ACVR1B: variants seen among roughly 807,000 people sequenced by gnomAD.
ACVR1B encodes activin receptor type-1B.
In ACVR1B, 15 loss-of-function variants were observed where a neutral mutation model predicts 55.6. The observed-to-expected ratio is 0.27, with a 90% confidence interval of 0.18 to 0.42. ACVR1B has a LOEUF of 0.42. Ranked by LOEUF, ACVR1B falls within the 10% of genes least tolerant of loss-of-function variation. ACVR1B has a pLI of 1.00. For synonymous variants in ACVR1B, 247 were observed against 254.6 expected, an observed-to-expected ratio of 0.97 and a Z score of 0.28; for missense variants, 359 against 670.1, an observed-to-expected ratio of 0.54 and a Z score of 5.13.
At chr12:51,957,974 A>G (rs565549459) in intron 1 of ACVR1B, among the ~76,000 whole-genome samples, 1 of 152,366 alleles carries the variant, frequency 6.6e-6, no homozygotes, top group South Asian at 2.1e-4. Flanking sequence ...ACAGTATGCC[A>G]GCTGAAACAA....
Position 51,975,462 on chromosome 12 carries a change from TACACTGACTACTGCA to T in ACVR1B, c.293_307del (p.Thr98_Asn102del). On this transcript the variant is annotated inframe_deletion, in exon 2 of 9. Coordinates refer to ENST00000257963, the MANE Select transcript of ACVR1B (RefSeq NM_004302.5). Reference sequence around the variant, plus strand: ...GGACCTGCGCAACACCCACTGCTGCTACACTGACTACTGCAACAGGATCGACTTGAGGGTGCCCAG... The same window carrying T: ...GGACCTGCGCAACACCCACTGCTGCTACAGGATCGACTTGAGGGTGCCCAG... 6.2e-7 allele frequency: 1 copy of T among 1,614,230 alleles called. No homozygotes were observed. Among genetic ancestry groups the T allele is most frequent in the Non-Finnish European group, 8.5e-7 (1 of 1,180,038 alleles).
intron 1 of ACVR1B, among the ~76,000 whole-genome samples, chr12:51,956,455 G>C (rs1319289594): frequency 6.6e-6 from 1 of 152,172 alleles, no homozygotes; most frequent in Non-Finnish European, 1.5e-5. Context: ...AATTGCAATG[G>C]CTTAGACTGA....
Position 51,951,726 on chromosome 12 carries a change from GC to G in ACVR1B, c.-17del. On this transcript the variant is annotated 5_prime_UTR_variant, in exon 1 of 9. Coordinates refer to ENST00000257963, the MANE Select transcript of ACVR1B (RefSeq NM_004302.5). ...GCGCTGCTGGGCTGCGGCGGCGGCG[GC>G]GGCGGCGGTGGTTACTATGGCGGAG... 13 of 1,216,288 alleles carry G rather than the reference GC, an allele frequency of 1.1e-5. No individual in the cohort carries two copies. The highest frequency in any genetic ancestry group is 1.2e-5 in the Non-Finnish European group (12 of 966,740). The allele number at this position is 1,216,288 out of a possible 1,614,324, so 75.3% of individuals were successfully genotyped here.
Position 51,991,974 on chromosome 12 carries a change from A to G in ACVR1B, c.1373A>G (p.Asn458Ser). The G allele has an allele frequency of 6.2e-7, 1 of 1,614,164 alleles. No homozygotes were observed. Among genetic ancestry groups the G allele is most frequent in the East Asian group, 2.2e-5 (1 of 44,880 alleles). The part of the protein sequence containing the change: ...CDQKLRPNIP[N>S]WWQSYEALRV... ...CAGAAGCTGCGTCCCAACATCCCCA[A>G]CTGGTGGCAGAGTTATGAGGTAAGA... The change falls in exon 8 of 9, where the codon AAC becomes AGC. Residue 458 changes from asparagine (N) to serine (S), a missense_variant. Asn to Ser is a conservative substitution (Grantham distance 46, BLOSUM62 1). This residue lies in a region of ACVR1B where 53 missense variants were observed against 78.5 expected (regional missense o/e 0.68). Transcript: ENST00000257963.
In ACVR1B at chr12:51,976,367, G is replaced by A. The variant is rs570500481; in HGVS notation, c.372G>A (p.Pro124=). 34 of 1,614,030 alleles carry A rather than the reference G, an allele frequency of 2.1e-5. No individual in the cohort carries two copies. Among genetic ancestry groups the A allele is most frequent in the South Asian group, 1.8e-4 (16 of 91,082 alleles). Reference sequence around the variant, plus strand: ...CTGAGCACCCGTCCATGTGGGGCCCGGTGGAGCTGGTAGGCATCATCGCCG... The same window carrying A: ...CTGAGCACCCGTCCATGTGGGGCCCAGTGGAGCTGGTAGGCATCATCGCCG... ...KEPEHPSMWG[P]VELVGIIAGP... Residue 124 remains proline (P), a synonymous_variant, in exon 3 of 9, where the codon CCG becomes CCA. Transcript: ENST00000257963.
chr12:51,987,193 A>G, intron 7 of ACVR1B: 1 of 673,452 alleles, frequency 1.5e-6, no homozygotes, highest in Non-Finnish European at 2.7e-6. Flanking sequence ...GGCTTTATAA[A>G]CAAACAAACA....
intron 1 of ACVR1B, among the ~76,000 whole-genome samples, chr12:51,962,012 C>G (rs1238334834): frequency 6.6e-6 from 1 of 152,164 alleles, no homozygotes; most frequent in Non-Finnish European, 1.5e-5. Flanking sequence ...GACAGGTCTC[C>G]TTAGCATAAA....
intron 8 of ACVR1B, among the ~76,000 whole-genome samples, chr12:51,993,131 G>T (rs990686888): frequency 6.6e-6 from 1 of 152,218 alleles, no homozygotes; most frequent in African/African-American, 2.4e-5. Context: ...CTTGTTGCTT[G>T]TGTGTGTAGT....
chr12:51,967,273 A>T (rs1266565755), intron 1 of ACVR1B, among the ~76,000 whole-genome samples: 1 of 148,762 alleles, frequency 6.7e-6, no homozygotes, highest in Non-Finnish European at 1.5e-5. Context: ...AAATAAAAAC[A>T]TTAAAGGTGG....
intron 1 of ACVR1B, among the ~76,000 whole-genome samples, chr12:51,965,647 C>T (rs1482269461): frequency 3.9e-5 from 6 of 151,962 alleles, no homozygotes; most frequent in Non-Finnish European, 8.8e-5. Context: ...TCAGCGAGGT[C>T]CTTTCCTTAT....
Position 51,951,736 on chromosome 12 carries a change from T to C in ACVR1B, c.-8T>C, listed in dbSNP as rs778636885. On this transcript the variant is annotated 5_prime_UTR_variant, in exon 1 of 9. Transcript: ENST00000257963. ...GCTGCGGCGGCGGCGGCGGCGGCGG[T>C]GGTTACTATGGCGGAGTCGGCCGGA... The C allele has an allele frequency of 5.4e-4, 665 of 1,225,082 alleles. 4 individuals are homozygous for C. In the African/African-American group the frequency reaches 9.4e-3, roughly 17 times the overall value. The allele number at this position is 1,225,082 out of a possible 1,614,324, so 75.9% of individuals were successfully genotyped here. A position where few individuals can be genotyped will look rare whatever the true frequency, so the allele number is the denominator to read the frequency against.
chr12:51,963,706 GTGGT>G (rs1397198324), intron 1 of ACVR1B, among the ~76,000 whole-genome samples: 2 of 152,126 alleles, frequency 1.3e-5, no homozygotes, highest in African/African-American at 4.8e-5. Flanking sequence ...GGACATTTGG[GTGGT>G]TTCCACCTTT....
chr12:51,972,635 G>T (rs1262861956), intron 1 of ACVR1B, among the ~76,000 whole-genome samples: 4 of 152,184 alleles, frequency 2.6e-5, no homozygotes, highest in Admixed American at 2.6e-4. Flanking sequence ...CTTGCTCAAG[G>T]TCATGTGGTT....
chr12:51,978,183 G>C (rs967017236), intron 3 of ACVR1B, among the ~76,000 whole-genome samples: 1 of 152,154 alleles, frequency 6.6e-6, no homozygotes, highest in Non-Finnish European at 1.5e-5. Flanking sequence ...CTTGTTCCTT[G>C]TTGAAAGAGG....
intron 8 of ACVR1B, among the ~76,000 whole-genome samples, chr12:51,992,533 G>T (rs918023281): frequency 6.6e-6 from 1 of 152,204 alleles, no homozygotes; most frequent in Non-Finnish European, 1.5e-5. Flanking sequence ...TTGTCTCCAA[G>T]ACACAGATGA....
intron 1 of ACVR1B, among the ~76,000 whole-genome samples, chr12:51,972,553 C>T (rs1244608394): frequency 6.6e-6 from 1 of 152,174 alleles, no homozygotes; most frequent in Non-Finnish European, 1.5e-5. Context: ...CACACAGCAA[C>T]AAAATTGCCT....
At position 51,976,391 on chromosome 12, in the gene ACVR1B, C is replaced by T. The variant is rs139862116; in HGVS notation, c.396C>T (p.Ala132=). 3.7e-5 allele frequency: 59 copies of T among 1,614,054 alleles called. No homozygotes were observed. The highest frequency in any genetic ancestry group is 2.5e-4 in the African/African-American group (19 of 74,914). Residue 132 remains alanine (A), a synonymous_variant, in exon 3 of 9, where the codon GCC becomes GCT. Transcript: ENST00000257963. ...CGGTGGAGCTGGTAGGCATCATCGC[C>T]GGCCCGGTGTTCCTCCTGTTCCTCA... ...WGPVELVGII[A]GPVFLLFLII...
At chr12:51,960,808 A>G (rs569675724) in intron 1 of ACVR1B, among the ~76,000 whole-genome samples, 100 of 152,280 alleles carry the variant, frequency 6.6e-4, no homozygotes, top group Non-Finnish European at 1.0e-3. Context: ...GGCTAGATCT[A>G]ACTTTGGAAA....
chr12:51,975,595 G>A (rs1342501995), intron 2 of ACVR1B, 91 bp downstream of exon 2: 13 of 1,490,996 alleles, frequency 8.7e-6, no homozygotes, highest in African/African-American at 1.4e-5. Flanking sequence ...CACTCACTTG[G>A]TTTGACGATA....
Sources: allele counts gnomAD v4.1 joint callset (sites outside exome capture counted in the v4.1 genomes callset), GRCh38; gene constraint gnomAD v4.1.1; regional missense constraint gnomAD v4.1.1; transcripts MANE v1.5; gene names NCBI Gene and HGNC (gene_info 2026-07-23, HGNC 2026-07-21).